The following ZBTB3 variants were observed in gnomAD, a reference collection of about 807,000 sequenced individuals.
ZBTB3 encodes the protein zinc finger and BTB domain containing 3.
ZBTB3 carries 15 observed loss-of-function variants against 30.6 expected under a neutral mutation model. The ratio of observed to expected loss-of-function variants is 0.49; its 90% CI spans 0.33 to 0.75. The LOEUF (loss-of-function observed/expected upper bound fraction) is 0.75, where lower values mean the gene tolerates loss of function less well. Among genes scored for constraint, ZBTB3 ranks in the 30% least tolerant of loss-of-function variants. The probability of loss-of-function intolerance (pLI) is 0.02; values close to 1 mark genes in which losing one functional copy is unlikely to be tolerated. For synonymous variants in ZBTB3, 258 were observed against 261.7 expected, an observed-to-expected ratio of 0.99 and a Z score of 0.14; for missense variants, 599 against 652.1, an observed-to-expected ratio of 0.92 and a Z score of 0.89.
In ZBTB3 at chr11:62,751,934, CA is replaced by C. The variant is rs2084015935; in HGVS notation, c.*155del. 5.5e-6 allele frequency: 4 copies of C among 723,880 alleles called. No individual in the cohort carries two copies. Among genetic ancestry groups the C allele is most frequent in the Non-Finnish European group, 6.3e-6 (3 of 473,850 alleles). 44.8% of individuals were successfully genotyped at this position (723,880 alleles called of 1,614,324 possible). On this transcript the variant is annotated 3_prime_UTR_variant, in exon 2 of 2. Coordinates refer to ENST00000394807, the MANE Select transcript of ZBTB3 (RefSeq NM_001370809.1). The stretch of plus-strand genomic sequence containing the variant: ...TGGGTGACAGAGTGAGACTCTGTCT[CA>C]AAAAAATAAAAGATTAAAAAAAAAA...
In ZBTB3 at chr11:62,754,001, T is replaced by A; in HGVS notation, c.-89A>T. 2 of 1,614,036 alleles carry A rather than the reference T, an allele frequency of 1.2e-6. No individual in the cohort carries two copies. The highest frequency in any genetic ancestry group is 1.7e-6 in the Non-Finnish European group (2 of 1,180,018). On this transcript the variant is annotated 5_prime_UTR_variant, in exon 1 of 2. Transcript: ENST00000394807. ...AACGGCTCCACGAAGTAGAGATCTT[T>A]TTCGCTCCCAGGCCTTGCCAGGCGA...
rs1217874335 is a variant in ZBTB3, at chr11:62,752,901, C to T, written c.764G>A (p.Ser255Asn). The T allele has an allele frequency of 1.2e-6, 2 of 1,614,030 alleles. No individual in the cohort carries two copies. Among genetic ancestry groups the T allele is most frequent in the Non-Finnish European group, 1.7e-6 (2 of 1,180,034 alleles). ...ATCCTTTGGTTCCACCACCCTCAGACTCTCAGGACCCACATCAAGAGATGG... is the reference window on the plus strand; with the variant it reads ...ATCCTTTGGTTCCACCACCCTCAGATTCTCAGGACCCACATCAAGAGATGG... ...PLPSLDVGPESLRVVEPKDPG... is the reference protein window; with the variant it reads ...PLPSLDVGPENLRVVEPKDPG... Residue 255 changes from serine to asparagine, a missense_variant, in exon 2 of 2, where the codon AGT (serine) becomes AAT (asparagine). Physicochemically the swap from Ser to Asn is conservative, Grantham distance 46. Coordinates refer to ENST00000394807, the MANE Select transcript of ZBTB3 (RefSeq NM_001370809.1).
At position 62,753,602 on chromosome 11, in the gene ZBTB3, A is replaced by G; in HGVS notation, c.63T>C (p.Gly21=). Residue 21 remains glycine (G), a synonymous_variant, in exon 2 of 2, where the codon GGT becomes GGC. Transcript: ENST00000394807. ...LQSLREQRSQ[G]FLCDCTVMVG... The stretch of plus-strand genomic sequence containing the variant: ...CCATCACGGTGCAGTCACAAAGGAA[A>G]CCCTGGGACCGCTGCTCCCGGAGGC... 1.2e-6 allele frequency: 2 copies of G among 1,613,762 alleles called. No individual in the cohort carries two copies. Among genetic ancestry groups the G allele is most frequent in the Non-Finnish European group, 1.7e-6 (2 of 1,179,896 alleles).
chr11:62,751,126 C>G lies in ZBTB3; in HGVS notation c.*964G>C, dbSNP rs1232370149. 6.6e-6 allele frequency: 1 copy of G among 152,176 alleles called. No homozygotes were observed. Among genetic ancestry groups the G allele is most frequent in the African/African-American group, 2.4e-5 (1 of 41,332 alleles). The allele number at this position is 152,176 out of a possible 1,614,324, so 9.4% of individuals were successfully genotyped here. A position where few individuals can be genotyped will look rare whatever the true frequency, so the allele number is the denominator to read the frequency against. ...GCAAAGAAAAGGGTAGGAGGCTGGG[C>G]ATGGTGGCTCACGCCTTTAATCCCA... is the stretch of plus-strand genomic sequence containing the variant. On this transcript the variant is annotated 3_prime_UTR_variant, in exon 2 of 2. Transcript: ENST00000394807.
rs757582679 is a variant in ZBTB3, at chr11:62,752,834, G to A, written c.831C>T (p.Ala277=). ...PLQGFYPPAS[A]PTSAPAPVSA... ...AGACAGGGGCTGGGGCTGACGTTGG[G>A]GCTGAGGCTGGGGGATAGAAGCCTT... The change falls in exon 2 of 2, where the codon GCC becomes GCT. Residue 277 remains alanine (A), a synonymous_variant. Coordinates refer to ENST00000394807, the MANE Select transcript of ZBTB3 (RefSeq NM_001370809.1). 6.2e-7 allele frequency: 1 copy of A among 1,614,090 alleles called. No homozygotes were observed. Among genetic ancestry groups the A allele is most frequent in the Non-Finnish European group, 8.5e-7 (1 of 1,180,020 alleles).
chr11:62,752,299 G>C lies in ZBTB3; in HGVS notation c.1366C>G (p.Leu456Val), dbSNP rs374056428. 4 of 1,614,052 alleles carry C rather than the reference G, an allele frequency of 2.5e-6. No homozygotes were observed. In the South Asian group the frequency reaches 4.4e-5, roughly 18 times the overall value. The change falls in exon 2 of 2, where the codon CTG becomes GTG. Residue 456 changes from leucine (L) to valine (V), a missense_variant. Transcript: ENST00000394807. Reference sequence around the variant, plus strand: ...TCCCCTGACTGCGTGTAGCTCCGCAGGCAGTAGCGGCACTCATAGGGTCGC... The same window carrying C: ...TCCCCTGACTGCGTGTAGCTCCGCACGCAGTAGCGGCACTCATAGGGTCGC... Reference protein sequence around the residue: ...RERPYECRYCLRSYTQSGDLY... With the variant: ...RERPYECRYCVRSYTQSGDLY...
Position 62,752,059 on chromosome 11 carries a change from T to C in ZBTB3, c.*31A>G. ...CTTCTGAGCTGCCATCTAAGGATGG[T>C]AAGAGCAGCCTAGCATCAGCTCATG... On this transcript the variant is annotated 3_prime_UTR_variant, in exon 2 of 2. Coordinates refer to ENST00000394807, the MANE Select transcript of ZBTB3 (RefSeq NM_001370809.1). 1 of 1,550,384 alleles carries C rather than the reference T, an allele frequency of 6.5e-7. No homozygotes were observed. Among genetic ancestry groups the C allele is most frequent in the Non-Finnish European group, 8.7e-7 (1 of 1,146,496 alleles).
rs1565179547 is a variant in ZBTB3, at chr11:62,753,718, G to A, written c.-51-3C>T. On this transcript the variant is annotated splice_region_variant and splice_polypyrimidine_tract_variant and intron_variant, in intron 1 of 1. Coordinates refer to ENST00000394807, the MANE Select transcript of ZBTB3 (RefSeq NM_001370809.1). The stretch of plus-strand genomic sequence containing the variant: ...AAAAGGTCCCCACCAGTGGCTCCCT[G>A]AGAAAAAAGGGCAGTGAGTTAAGAC... 7.6e-6 allele frequency: 12 copies of A among 1,584,620 alleles called. No individual in the cohort carries two copies. The highest frequency in any genetic ancestry group is 9.4e-6 in the Non-Finnish European group (11 of 1,168,674).
At chr11:62,753,738 T>TA (rs2134845911) in intron 1 of ZBTB3, 23 bp from the exon 2 acceptor site, 2 of 1,574,908 alleles carry the variant, frequency 1.3e-6, no homozygotes, top group East Asian at 2.2e-5. Context: ...GGCAGTGAGT[T>TA]AAGACAGGTA....
rs777103760 is a variant in ZBTB3, at chr11:62,752,712, A to C, written c.953T>G (p.Val318Gly). The C allele has an allele frequency of 8.7e-6, 14 of 1,614,208 alleles. No homozygotes were observed. In the East Asian group the frequency reaches 1.3e-4, roughly 15 times the overall value. Reference sequence around the variant, plus strand: ...AGGACCCTGAGGCTGTTCATCTGACACATCAGTCTCTTCATCAGAGATCAC... The same window carrying C: ...AGGACCCTGAGGCTGTTCATCTGACCCATCAGTCTCTTCATCAGAGATCAC... Reference protein sequence around the residue: ...AIVISDEETDVSDEQPQGPER... With the variant: ...AIVISDEETDGSDEQPQGPER... Residue 318 changes from valine to glycine, a missense_variant, in exon 2 of 2, where the codon GTG (valine) becomes GGG (glycine). Physicochemically the swap from Val to Gly is moderately radical, Grantham distance 109 (BLOSUM62 -3). Coordinates refer to ENST00000394807, the MANE Select transcript of ZBTB3 (RefSeq NM_001370809.1).
intron 1 of ZBTB3, 86 bp downstream of exon 1, chr11:62,753,878 C>T (rs1760042360): frequency 1.3e-6 from 2 of 1,584,236 alleles, no homozygotes; most frequent in South Asian, 2.3e-5. Context: ...CTCGGCCTAA[C>T]CTTAGAACAG....
intron 1 of ZBTB3, 69 bp downstream of exon 1, chr11:62,753,895 C>G: frequency 6.3e-7 from 1 of 1,584,628 alleles, no homozygotes; most frequent in South Asian, 1.1e-5. Context: ...ACAGGCCCCA[C>G]CCCCGTCCGA....
chr11:62,754,030 C>G lies in ZBTB3; in HGVS notation c.-118G>C. The G allele has an allele frequency of 6.2e-7, 1 of 1,614,164 alleles. No homozygotes were observed. Among genetic ancestry groups the G allele is most frequent in the South Asian group, 1.1e-5 (1 of 91,082 alleles). On this transcript the variant is annotated 5_prime_UTR_variant, in exon 1 of 2. Coordinates refer to ENST00000394807, the MANE Select transcript of ZBTB3 (RefSeq NM_001370809.1). Reference sequence around the variant, plus strand: ...GCTCCCAGGCCTTGCCAGGCGATGCCTCTACGCCCCACTTCGAGAACTCCC... The same window carrying G: ...GCTCCCAGGCCTTGCCAGGCGATGCGTCTACGCCCCACTTCGAGAACTCCC...
Position 62,752,013 on chromosome 11 carries a change from G to T in ZBTB3, c.*77C>A. 2 of 1,387,420 alleles carry T rather than the reference G, an allele frequency of 1.4e-6. No individual in the cohort carries two copies. Among genetic ancestry groups the T allele is most frequent in the African/African-American group, 1.4e-5 (1 of 69,166 alleles). 85.9% of individuals were successfully genotyped at this position (1,387,420 alleles called of 1,614,324 possible). A position where few individuals can be genotyped will look rare whatever the true frequency, so the allele number is the denominator to read the frequency against. ...AGCCTTTATTCTTGTCACCCAGCAG[G>T]GGTGATAAGGTGCCACCAACCTTCT... is the stretch of plus-strand genomic sequence containing the variant. On this transcript the variant is annotated 3_prime_UTR_variant, in exon 2 of 2. Transcript: ENST00000394807.
rs960615403 is a variant in ZBTB3 at position 62,754,053 on chromosome 11, C to T, written c.-141G>A. ...GCCTCTACGCCCCACTTCGAGAACT[C>T]CCTAAGCATCTCCCTCACGCATTCC... On this transcript the variant is annotated 5_prime_UTR_variant, in exon 1 of 2. Transcript: ENST00000394807. 7 of 1,614,186 alleles carry T rather than the reference C, an allele frequency of 4.3e-6. No homozygotes were observed. Among genetic ancestry groups the T allele is most frequent in the Admixed American group, 3.3e-5 (2 of 60,010 alleles).
chr11:62,751,308 AGAGAATCGCTTGAG>A lies in ZBTB3; in HGVS notation c.*768_*781del, dbSNP rs2084007808. The A allele has an allele frequency of 6.6e-6, 1 of 151,570 alleles. No individual in the cohort carries two copies. 9.4% of individuals were successfully genotyped at this position (151,570 alleles called of 1,614,324 possible). A position where few individuals can be genotyped will look rare whatever the true frequency, so the allele number is the denominator to read the frequency against. On this transcript the variant is annotated 3_prime_UTR_variant, in exon 2 of 2. Coordinates refer to ENST00000394807, the MANE Select transcript of ZBTB3 (RefSeq NM_001370809.1). ...CCCAGCTACTCAAGAGGCTGAGTTAAGAGAATCGCTTGAGGCCAGGCACGGTGGCTCAAGCCTGT... is the reference window on the plus strand; with the variant it reads ...CCCAGCTACTCAAGAGGCTGAGTTAAGCCAGGCACGGTGGCTCAAGCCTGT...
At position 62,753,959 on chromosome 11, in the gene ZBTB3, C is replaced by A; in HGVS notation, c.-52+5G>T. ...TTAGCCACCCTCCGCTTCCTTGATG[C>A]CCACCCGGTAGCGTCCAACGGCTCC... is the stretch of plus-strand genomic sequence containing the variant. On this transcript the variant is annotated splice_donor_5th_base_variant and intron_variant, in intron 1 of 1. Transcript: ENST00000394807. 5 of 1,613,772 alleles carry A rather than the reference C, an allele frequency of 3.1e-6. No individual in the cohort carries two copies. Among genetic ancestry groups the A allele is most frequent in the Non-Finnish European group, 4.2e-6 (5 of 1,179,924 alleles).
chr11:62,754,023 G>A lies in ZBTB3; in HGVS notation c.-111C>T. ...CTTTTTCGCTCCCAGGCCTTGCCAG[G>A]CGATGCCTCTACGCCCCACTTCGAG... On this transcript the variant is annotated 5_prime_UTR_variant, in exon 1 of 2. Coordinates refer to ENST00000394807, the MANE Select transcript of ZBTB3 (RefSeq NM_001370809.1). 1 of 1,614,100 alleles carries A rather than the reference G, an allele frequency of 6.2e-7. No individual in the cohort carries two copies. The highest frequency in any genetic ancestry group is 8.5e-7 in the Non-Finnish European group (1 of 1,180,046).
In ZBTB3 at chr11:62,753,445, G is replaced by A; in HGVS notation, c.220C>T (p.Pro74Ser). Reference sequence around the variant, plus strand: ...AAGTCCAGAAGCAGCCCAAAGGCTGGGGCTGTGACAATTTCATTGTGAATA... The same window carrying A: ...AAGTCCAGAAGCAGCCCAAAGGCTGAGGCTGTGACAATTTCATTGTGAATA... ...VCIHNEIVTA[P>S]AFGLLLDFMY... is the part of the protein sequence containing the mutation. Residue 74 changes from proline (P) to serine (S), a missense_variant, in exon 2 of 2, where the codon CCA (proline) becomes TCA (serine). By Grantham distance (74) the Pro-to-Ser change is moderately conservative (BLOSUM62 -1). Coordinates refer to ENST00000394807, the MANE Select transcript of ZBTB3 (RefSeq NM_001370809.1). 6.2e-7 allele frequency: 1 copy of A among 1,614,192 alleles called. No homozygotes were observed.
Sources: gnomAD v4.1 joint callset for allele counts on GRCh38, gnomAD v4.1.1 for gene constraint, MANE v1.5 for transcripts, NCBI Gene and HGNC (gene_info 2026-07-23, HGNC 2026-07-21) for gene names.